LINGO2: variants seen among roughly 807,000 people sequenced by gnomAD.
LINGO2 encodes leucine-rich repeat and immunoglobulin-like domain-containing nogo receptor-interacting protein 2.
In LINGO2, 14 loss-of-function variants were observed where a neutral mutation model predicts 30.6. The observed-to-expected ratio is 0.46, with a 90% CI of 0.30 to 0.72. LINGO2 has a LOEUF of 0.72. Among genes scored for constraint, LINGO2 ranks in the 30% least tolerant of loss-of-function variants. The pLI, the probability that LINGO2 is intolerant of heterozygous loss-of-function variation, is 0.07. For missense variants in LINGO2, 729 were observed against 751.7 expected (o/e 0.97, Z 0.35); for synonymous variants, 317 against 288.5 (o/e 1.10, Z -1.00).
the LINGO2 span, among the ~76,000 whole-genome samples, chr9:28,729,702 G>C: frequency 6.6e-6 from 1 of 151,434 alleles, no homozygotes; most frequent in African/African-American, 2.4e-5. Flanking sequence ...AGGAAATCAG[G>C]AGGAAAAAAA....
rs73645616 is a variant in LINGO2, at chr9:28,212,386, G to A, written c.-87+82822C>T. On this transcript the variant is annotated intron_variant, in intron 4 of 5. Coordinates refer to ENST00000379992, the Ensembl canonical transcript of LINGO2. ...AGGGGCAGAGTTAGGATTTGAACCCGTTTGACATATTCTAAAGCCTAGACT... is the reference window on the plus strand; with the variant it reads ...AGGGGCAGAGTTAGGATTTGAACCCATTTGACATATTCTAAAGCCTAGACT... Among the ~76,000 whole-genome samples the A allele has an allele frequency of 6.3e-3, 959 of 151,418 alleles. 15 individuals carry two copies. The highest frequency in any genetic ancestry group is 0.022 in the African/African-American group (897 of 41,462).
chr9:28,995,011 T>A, the LINGO2 span, among the ~76,000 whole-genome samples: 7 of 151,768 alleles, frequency 4.6e-5, no homozygotes, highest in Admixed American at 3.3e-4. Flanking sequence ...AAGCCAAAAT[T>A]GACAAATGGG....
the LINGO2 span, among the ~76,000 whole-genome samples, chr9:28,874,762 T>C: frequency 4.6e-5 from 7 of 152,158 alleles, no homozygotes; most frequent in Admixed American, 1.3e-4. Context: ...TTTACTTTTA[T>C]GGAGACTTTA....
exon 6 of LINGO2, chr9:27,949,060 G>C: frequency 6.2e-7 from 1 of 1,614,126 alleles, no homozygotes; most frequent in East Asian, 2.2e-5. Context: ...ATTGTTTTAA[G>C]GTCCAGGGAA....
the LINGO2 span, among the ~76,000 whole-genome samples, chr9:29,155,714 T>C: frequency 6.6e-6 from 1 of 152,092 alleles, no homozygotes; most frequent in African/African-American, 2.4e-5. Context: ...AATTAGCTTT[T>C]ATAAAATTAT....
At chr9:29,140,290 C>T in the LINGO2 span, among the ~76,000 whole-genome samples, 1 of 151,786 alleles carries the variant, frequency 6.6e-6, no homozygotes, top group Non-Finnish European at 1.5e-5. Context: ...ATCATAAAGA[C>T]TCAGGAAGCT....
intron 1 of LINGO2, among the ~76,000 whole-genome samples, chr9:28,481,832 TCTC>T (rs1825981092): frequency 6.6e-6 from 1 of 151,534 alleles, no homozygotes; most frequent in Non-Finnish European, 1.5e-5. Context: ...GTCCATGTGT[TCTC>T]ATTGTTCAGT....
chr9:28,553,795 A>G (rs948445365), intron 1 of LINGO2, among the ~76,000 whole-genome samples: 2 of 152,032 alleles, frequency 1.3e-5, no homozygotes, highest in African/African-American at 2.4e-5. Context: ...CTAACAGCGG[A>G]TCTCTCGGCA....
the LINGO2 span, among the ~76,000 whole-genome samples, chr9:28,762,940 T>G: frequency 6.6e-6 from 1 of 152,010 alleles, no homozygotes; most frequent in Non-Finnish European, 1.5e-5. Flanking sequence ...AAAGCTGAGT[T>G]TAATTCCAAA....
the LINGO2 span, among the ~76,000 whole-genome samples, chr9:29,093,663 T>C: frequency 7.3e-6 from 1 of 136,602 alleles, no homozygotes; most frequent in African/African-American, 2.7e-5. Context: ...AGTATCTTGA[T>C]AATAGAAACT....
chr9:28,989,111 T>A, the LINGO2 span, among the ~76,000 whole-genome samples: 1 of 152,162 alleles, frequency 6.6e-6, no homozygotes, highest in African/African-American at 2.4e-5. Context: ...CTATATTATA[T>A]CAAGATTATT....
chr9:29,029,003 G>T, the LINGO2 span, among the ~76,000 whole-genome samples: 1 of 152,092 alleles, frequency 6.6e-6, no homozygotes, highest in Admixed American at 6.6e-5. Context: ...GATGGTCATA[G>T]CATGGCCTGG....
rs762643367 is a variant in LINGO2, at chr9:28,476,376, C to T, written c.-364-351G>A. On this transcript the variant is annotated intron_variant, in intron 1 of 5. Transcript: ENST00000379992. ...CTGCAGGCTCCGCCTCCCGGGTTCACGCCATTCTCCTGCCTCAGCCTCCCG... is the reference window on the plus strand; with the variant it reads ...CTGCAGGCTCCGCCTCCCGGGTTCATGCCATTCTCCTGCCTCAGCCTCCCG... Among the ~76,000 whole-genome samples the T allele has an allele frequency of 5.9e-5, 9 of 152,262 alleles. No homozygotes were observed. The East Asian group carries it at 1.2e-3, about 20-fold the overall frequency.
At chr9:28,910,118 A>G in the LINGO2 span, among the ~76,000 whole-genome samples, 58 of 152,204 alleles carry the variant, frequency 3.8e-4, no homozygotes, top group African/African-American at 1.3e-3. Context: ...CCTATGCTAC[A>G]AGAGTATTTT....
intron 2 of LINGO2, among the ~76,000 whole-genome samples, chr9:28,374,729 T>A (rs903615510): frequency 2.6e-5 from 4 of 152,020 alleles, no homozygotes; most frequent in Non-Finnish European, 5.9e-5. Flanking sequence ...TATAAGCAGG[T>A]TTCAATATTC....
At chr9:28,090,634 A>T (rs921805262) in intron 4 of LINGO2, among the ~76,000 whole-genome samples, 2 of 152,200 alleles carry the variant, frequency 1.3e-5, no homozygotes, top group African/African-American at 4.8e-5. Context: ...AACCGGAAGC[A>T]TTCCCTTTGA....
chr9:29,192,081 G>T, the LINGO2 span, among the ~76,000 whole-genome samples: 1 of 151,926 alleles, frequency 6.6e-6, no homozygotes, highest in Admixed American at 6.6e-5. Flanking sequence ...ACAGTTACCC[G>T]CACCCTCCAA....
At chr9:28,244,483 CA>C (rs1821925876) in intron 4 of LINGO2, among the ~76,000 whole-genome samples, 2 of 151,498 alleles carry the variant, frequency 1.3e-5, no homozygotes, top group Non-Finnish European at 1.5e-5. Context: ...GACAGAGAAA[CA>C]AAAAACCCTT....
intron 2 of LINGO2, among the ~76,000 whole-genome samples, chr9:28,457,818 T>G (rs1824914077): frequency 6.6e-6 from 1 of 152,146 alleles, no homozygotes; most frequent in Non-Finnish European, 1.5e-5. Context: ...AATTTCACAT[T>G]AATGGTCTCC....
Sources: gnomAD v4.1 joint callset for allele counts (sites outside exome capture counted in the v4.1 genomes callset) on GRCh38, gnomAD v4.1.1 for gene constraint, MANE v1.5 for transcripts, NCBI Gene and HGNC (gene_info 2026-07-23, HGNC 2026-07-21) for gene names.